Variants in EYS observed in about 807,000 individuals in gnomAD.
EYS encodes the protein protein eyes shut homolog.
Under a neutral mutation model 282.1 loss-of-function variants are expected in EYS, and 250 were observed. The observed-to-expected ratio is 0.89, with a 90% CI of 0.80 to 0.98. The LOEUF is 0.98. EYS is among the 50% of genes least tolerant of loss of function. The pLI is 0.00. For synonymous variants in EYS, 1,355 were observed against 1,282.9 expected, an observed-to-expected ratio of 1.06 and a Z score of -1.20; for missense variants, 4,016 against 3,709.0, an observed-to-expected ratio of 1.08 and a Z score of -2.15.
intron 31 of EYS, among the ~76,000 whole-genome samples, chr6:64,114,137 C>T (rs1041936321): frequency 6.6e-6 from 1 of 152,058 alleles, no homozygotes; most frequent in Admixed American, 6.5e-5. Flanking sequence ...AAAAATTTCT[C>T]CAGACAATAT....
intron 40 of EYS, among the ~76,000 whole-genome samples, chr6:63,763,409 C>A (rs2149656400): frequency 6.6e-6 from 1 of 152,082 alleles, no homozygotes; most frequent in South Asian, 2.1e-4. Context: ...TAAATAATAA[C>A]TTTTCTTAGT....
At chr6:64,852,962 G>A (rs1209569921) in intron 19 of EYS, among the ~76,000 whole-genome samples, 3 of 152,012 alleles carry the variant, frequency 2.0e-5, no homozygotes, top group African/African-American at 7.2e-5. Context: ...AACAGCCTTA[G>A]GACACTAACC....
chr6:64,546,624 T>C (rs1445764078), intron 26 of EYS, among the ~76,000 whole-genome samples: 1 of 152,192 alleles, frequency 6.6e-6, no homozygotes, highest in African/African-American at 2.4e-5. Context: ...TCTACTCATC[T>C]GACAAAGGGC....
chr6:65,447,171 CTT>C (rs1491130728), intron 5 of EYS, among the ~76,000 whole-genome samples: 1 of 151,020 alleles, frequency 6.6e-6, no homozygotes, highest in Non-Finnish European at 1.5e-5. Flanking sequence ...AGTAATTAAA[CTT>C]TGTTTTATTC....
intron 33 of EYS, among the ~76,000 whole-genome samples, chr6:64,045,316 G>T (rs562696264): frequency 6.2e-4 from 94 of 151,216 alleles, no homozygotes; most frequent in African/African-American, 2.2e-3. Flanking sequence ...TTACTGAGGT[G>T]GATACTGCTA....
chr6:64,945,236 C>G (rs986699698), intron 15 of EYS, among the ~76,000 whole-genome samples: 1 of 151,690 alleles, frequency 6.6e-6, no homozygotes, highest in Non-Finnish European at 1.5e-5. Context: ...AAAAACAACT[C>G]CATTAAAAGG....
At chr6:64,571,963 CACA>C (rs772034295) in intron 26 of EYS, among the ~76,000 whole-genome samples, 20 of 151,732 alleles carry the variant, frequency 1.3e-4, no homozygotes, top group East Asian at 1.9e-4. Context: ...ATCTGGCAGA[CACA>C]ACAACAACAA....
chr6:63,793,098 A>C (rs750693735), intron 37 of EYS, among the ~76,000 whole-genome samples: 2 of 152,196 alleles, frequency 1.3e-5, no homozygotes, highest in African/African-American at 4.8e-5. Flanking sequence ...GCCATGCTCC[A>C]TTTGGGCCAG....
chr6:64,530,362 T>G (rs557838453), intron 26 of EYS, among the ~76,000 whole-genome samples: 17 of 152,132 alleles, frequency 1.1e-4, no homozygotes, highest in African/African-American at 3.9e-4. Context: ...ATATCTTTAT[T>G]TCTCTATTCC....
At chr6:64,669,537 A>G (rs1467699137) in intron 22 of EYS, among the ~76,000 whole-genome samples, 1 of 152,222 alleles carries the variant, frequency 6.6e-6, no homozygotes, top group African/African-American at 2.4e-5. Flanking sequence ...AAGTGATTAC[A>G]TGAATAATGA....
At chr6:63,810,274 A>C (rs1484812060) in intron 36 of EYS, among the ~76,000 whole-genome samples, 3 of 151,374 alleles carry the variant, frequency 2.0e-5, no homozygotes, top group Non-Finnish European at 4.4e-5. Context: ...AAAAAAAAAA[A>C]AACAAAAAAC....
intron 5 of EYS, among the ~76,000 whole-genome samples, chr6:65,444,621 A>C (rs891655941): frequency 1.3e-5 from 2 of 152,030 alleles, no homozygotes; most frequent in African/African-American, 2.4e-5. Flanking sequence ...GTTGTTCTAT[A>C]AAATAAAAAG....
At chr6:64,492,981 A>G (rs1275000237) in intron 26 of EYS, among the ~76,000 whole-genome samples, 1 of 151,404 alleles carries the variant, frequency 6.6e-6, no homozygotes, top group Admixed American at 6.6e-5. Context: ...AAGCATTGAA[A>G]GGAGACTGAA....
chr6:64,775,063 T>C (rs1773637557), intron 22 of EYS, among the ~76,000 whole-genome samples: 1 of 151,918 alleles, frequency 6.6e-6, no homozygotes, highest in Non-Finnish European at 1.5e-5. Context: ...TGACAGATAA[T>C]GTAAACAAGT....
intron 26 of EYS, among the ~76,000 whole-genome samples, chr6:64,539,068 G>T (rs970303790): frequency 2.0e-5 from 3 of 152,110 alleles, no homozygotes; most frequent in Admixed American, 6.5e-5. Context: ...TTTGTGACTG[G>T]CTTATTTCAC....
At chr6:65,493,459 G>T (rs1766122512) in intron 4 of EYS, among the ~76,000 whole-genome samples, 1 of 152,058 alleles carries the variant, frequency 6.6e-6, no homozygotes. Flanking sequence ...CTCTTTGTTA[G>T]ATCATCGTGG....
intron 12 of EYS, among the ~76,000 whole-genome samples, chr6:65,113,297 A>T (rs1422263001): frequency 6.6e-6 from 1 of 151,890 alleles, no homozygotes. Flanking sequence ...AAAAGACAAG[A>T]CTCTCTCTGT....
chr6:64,085,317 C>CGCGCGCGT (rs1326623956), intron 31 of EYS, among the ~76,000 whole-genome samples: 1 of 135,952 alleles, frequency 7.4e-6, no homozygotes, highest in Non-Finnish European at 1.5e-5. Context: ...CTTCCAGACG[C>CGCGCGCGT]GCGCGCGTGC....
intron 22 of EYS, among the ~76,000 whole-genome samples, chr6:64,731,632 A>T (rs1388813201): frequency 6.6e-6 from 1 of 152,208 alleles, no homozygotes; most frequent in Admixed American, 6.5e-5. Flanking sequence ...CACCAGTTAG[A>T]ATGGTGATCA....
Sources: allele counts gnomAD v4.1 joint callset (sites outside exome capture counted in the v4.1 genomes callset), GRCh38; gene constraint gnomAD v4.1.1; transcripts MANE v1.5; gene names NCBI Gene and HGNC (gene_info 2026-07-23, HGNC 2026-07-21).